CDH18: variants seen among roughly 807,000 people sequenced by gnomAD.
CDH18 encodes cadherin 18.
In CDH18, 31 loss-of-function variants were observed where a neutral mutation model predicts 67.9. The observed-to-expected ratio is 0.46, with a 90% confidence interval of 0.34 to 0.62. The LOEUF is 0.62. Ranked by LOEUF, CDH18 falls within the 20% of genes least tolerant of loss-of-function variation. The pLI is 0.01. For missense variants in CDH18, 890 were observed against 975.5 expected, an observed-to-expected ratio of 0.91 and a Z score of 1.17; for synonymous variants, 362 against 347.2, an observed-to-expected ratio of 1.04 and a Z score of -0.48.
At chr5:19,667,096 C>T (rs1203403597) in intron 5 of CDH18, among the ~76,000 whole-genome samples, 1 of 151,732 alleles carries the variant, frequency 6.6e-6, no homozygotes, top group Non-Finnish European at 1.5e-5. Flanking sequence ...AACATATTAA[C>T]ATATGTGTTT....
intron 6 of CDH18, among the ~76,000 whole-genome samples, chr5:19,608,830 A>G (rs1169158694): frequency 6.6e-6 from 1 of 151,756 alleles, no homozygotes; most frequent in Non-Finnish European, 1.5e-5. Flanking sequence ...ATATTGGAGG[A>G]TCAAGCCCTA....
intron 1 of CDH18, among the ~76,000 whole-genome samples, chr5:20,492,548 T>C (rs776465486): frequency 6.6e-6 from 1 of 152,130 alleles, no homozygotes; most frequent in Non-Finnish European, 1.5e-5. Flanking sequence ...TGAAATATCG[T>C]TGGTAAAGTT....
intron 2 of CDH18, among the ~76,000 whole-genome samples, chr5:20,116,477 C>T (rs1747920523): frequency 6.6e-6 from 1 of 151,446 alleles, no homozygotes; most frequent in African/African-American, 2.4e-5. Context: ...GATTGCACCA[C>T]TACACTCCAG....
intron 5 of CDH18, among the ~76,000 whole-genome samples, chr5:19,694,669 G>A (rs1212185838): frequency 6.6e-6 from 1 of 151,624 alleles, no homozygotes; most frequent in Non-Finnish European, 1.5e-5. Flanking sequence ...GTGTGTGTGT[G>A]TGTGTGTCTG....
chr5:20,080,734 AG>A lies in CDH18; in HGVS notation c.-517-88721del, dbSNP rs1554087839. On this transcript the variant is annotated intron_variant, in intron 2 of 14. Transcript: ENST00000507958. ...AAAATGATTAGGAAGAAGGGGAGAG[AG>A]GAGGAGGGGGAAATAATGTAAATGA... Among the ~76,000 whole-genome samples, 3 of 134,110 alleles carry A rather than the reference AG, an allele frequency of 2.2e-5. No individual in the cohort carries two copies. The South Asian group carries it at 7.4e-4, about 33-fold the overall frequency. The allele number at this position is 134,110 out of a possible 152,430, so 88.0% of individuals were successfully genotyped here.
intron 1 of CDH18, among the ~76,000 whole-genome samples, chr5:20,273,477 ATTAC>A (rs1745585405): frequency 6.6e-6 from 1 of 152,068 alleles, no homozygotes; most frequent in African/African-American, 2.4e-5. Context: ...GATCAATCAT[ATTAC>A]TTACTGAATA....
chr5:19,752,508 C>T (rs1210739860), intron 3 of CDH18, among the ~76,000 whole-genome samples: 1 of 152,112 alleles, frequency 6.6e-6, no homozygotes, highest in Non-Finnish European at 1.5e-5. Flanking sequence ...TCATCCCCCA[C>T]AGCAGTGGCA....
intron 2 of CDH18, among the ~76,000 whole-genome samples, chr5:19,901,185 A>G (rs1789902257): frequency 6.6e-6 from 1 of 152,080 alleles, no homozygotes; most frequent in Non-Finnish European, 1.5e-5. Context: ...GACTACTTTA[A>G]ATATAAATCA....
intron 2 of CDH18, among the ~76,000 whole-genome samples, chr5:19,856,117 C>A (rs1784251273): frequency 6.6e-6 from 1 of 152,166 alleles, no homozygotes; most frequent in Admixed American, 6.5e-5. Context: ...TAAAAAGTAA[C>A]TTGAGTCAGC....
At chr5:20,295,546 G>C (rs1747422650) in intron 1 of CDH18, among the ~76,000 whole-genome samples, 1 of 151,982 alleles carries the variant, frequency 6.6e-6, no homozygotes, top group Non-Finnish European at 1.5e-5. Context: ...GGCCAATATG[G>C]TGAAACCCCG....
At chr5:19,577,477 T>C (rs757697487) in intron 7 of CDH18, among the ~76,000 whole-genome samples, 3 of 152,196 alleles carry the variant, frequency 2.0e-5, no homozygotes, top group Non-Finnish European at 4.4e-5. Context: ...ATAACTGTTA[T>C]CTTATGCCTC....
At chr5:20,247,661 G>A (rs1042041914) in intron 2 of CDH18, among the ~76,000 whole-genome samples, 1 of 151,866 alleles carries the variant, frequency 6.6e-6, no homozygotes, top group African/African-American at 2.4e-5. Context: ...CTACTAGGGA[G>A]GCTGAGGCAG....
At chr5:20,112,723 AAAAAT>A (rs1747584382) in intron 2 of CDH18, among the ~76,000 whole-genome samples, 3 of 152,186 alleles carry the variant, frequency 2.0e-5, no homozygotes, top group Admixed American at 1.3e-4. Context: ...AAAAAATAAA[AAAAAT>A]AAAATAAAAT....
intron 1 of CDH18, among the ~76,000 whole-genome samples, chr5:20,484,186 T>G (rs1007476064): frequency 2.6e-5 from 4 of 152,134 alleles, no homozygotes; most frequent in East Asian, 1.9e-4. Flanking sequence ...GGTGCCCAAA[T>G]CACTGATCAT....
At chr5:20,334,406 G>A (rs926343621) in intron 1 of CDH18, among the ~76,000 whole-genome samples, 5 of 151,776 alleles carry the variant, frequency 3.3e-5, no homozygotes, top group Admixed American at 6.6e-5. Context: ...CAAAGTGCTG[G>A]GATTACAGGC....
intron 2 of CDH18, among the ~76,000 whole-genome samples, chr5:20,108,655 A>G (rs1165544240): frequency 6.6e-6 from 1 of 152,128 alleles, no homozygotes; most frequent in Non-Finnish European, 1.5e-5. Flanking sequence ...TACCTGGATC[A>G]GCTTAAACAG....
intron 1 of CDH18, among the ~76,000 whole-genome samples, chr5:20,535,379 C>T (rs1252229677): frequency 6.6e-6 from 1 of 152,046 alleles, no homozygotes; most frequent in Non-Finnish European, 1.5e-5. Context: ...CCTCTGTTGC[C>T]CAATCTCTGG....
chr5:19,740,835 T>A (rs959759372), intron 4 of CDH18, among the ~76,000 whole-genome samples: 5 of 152,094 alleles, frequency 3.3e-5, no homozygotes, highest in Admixed American at 2.0e-4. Flanking sequence ...AAATTAGGCA[T>A]GTAATGTAAC....
intron 2 of CDH18, among the ~76,000 whole-genome samples, chr5:20,096,409 G>A (rs1745995540): frequency 6.6e-6 from 1 of 151,962 alleles, no homozygotes; most frequent in Non-Finnish European, 1.5e-5. Context: ...GGACTACTTT[G>A]ACCAAGGAAA....
Sources: allele counts gnomAD v4.1 joint callset (sites outside exome capture counted in the v4.1 genomes callset), GRCh38; gene constraint gnomAD v4.1.1; transcripts MANE v1.5; gene names NCBI Gene and HGNC (gene_info 2026-07-23, HGNC 2026-07-21).